Variants in ORC4 observed in about 807,000 individuals in gnomAD.
The protein encoded by ORC4 is origin recognition complex subunit 4.
In ORC4, 55 loss-of-function variants were observed where a neutral mutation model predicts 63.9. The ratio of observed to expected loss-of-function variants is 0.86; its 90% confidence interval spans 0.69 to 1.08. ORC4 has a LOEUF of 1.08. Ranked by LOEUF, ORC4 falls within the 50% of genes least tolerant of loss-of-function variation. The pLI is 0.00. For synonymous variants in ORC4, 150 were observed against 168.5 expected (o/e 0.89, Z 0.85); for missense variants, 511 against 504.4 (o/e 1.01, Z -0.13).
At chr2:147,950,807 G>T (rs1688918247) in intron 8 of ORC4, among the ~76,000 whole-genome samples, 1 of 149,750 alleles carries the variant, frequency 6.7e-6, no homozygotes, top group Non-Finnish European at 1.5e-5. Context: ...ACACTTGAAA[G>T]AACTACACAG....
At chr2:147,961,277 T>C (rs983484286) in intron 4 of ORC4, among the ~76,000 whole-genome samples, 3 of 151,790 alleles carry the variant, frequency 2.0e-5, no homozygotes, top group African/African-American at 4.8e-5. Context: ...CCATCTCTAC[T>C]AAACATAAAA....
Position 148,003,842 on chromosome 2 carries a change from T to C in ORC4, c.-18+16791A>G, listed in dbSNP as rs151170849. ...AATTGTCTGTTTGCAGATGACATGA[T>C]TGTATATTTAGAAAACCCTGTTGTC... On this transcript the variant is annotated intron_variant, in intron 1 of 13. Transcript: ENST00000392857. Among the ~76,000 whole-genome samples, 435 of 152,342 alleles carry C rather than the reference T, an allele frequency of 2.9e-3. 4 individuals carry two copies. Among genetic ancestry groups the C allele is most frequent in the Non-Finnish European group, 3.3e-3 (225 of 68,028 alleles).
At chr2:147,993,661 T>C (rs1691764229) in intron 1 of ORC4, among the ~76,000 whole-genome samples, 1 of 152,068 alleles carries the variant, frequency 6.6e-6, no homozygotes, top group Admixed American at 6.5e-5. Context: ...TACAATGAAA[T>C]AGGATTTTTA....
intron 1 of ORC4, 148 bp downstream of exon 1, chr2:148,020,485 T>A (rs1693638470): frequency 6.6e-6 from 1 of 152,392 alleles, no homozygotes; most frequent in African/African-American, 2.4e-5. Flanking sequence ...CTTCCCGGCC[T>A]ATACAAGCCT....
chr2:147,991,192 C>A (rs947091284), intron 1 of ORC4, among the ~76,000 whole-genome samples: 4 of 151,908 alleles, frequency 2.6e-5, no homozygotes, highest in African/African-American at 9.7e-5. Flanking sequence ...GGATTACAGG[C>A]ATGCGCCACC....
Position 147,955,401 on chromosome 2 carries a change from C to T in ORC4, c.388-6G>A, listed in dbSNP as rs1361938874. 7 of 1,595,114 alleles carry T rather than the reference C, an allele frequency of 4.4e-6. No individual in the cohort carries two copies. Among genetic ancestry groups the T allele is most frequent in the Admixed American group, 3.4e-5 (2 of 59,636 alleles). On this transcript the variant is annotated splice_polypyrimidine_tract_variant and splice_region_variant and intron_variant, in intron 6 of 13. Coordinates refer to ENST00000392857, the MANE Select transcript of ORC4 (RefSeq NM_181741.4). Reference sequence around the variant, plus strand: ...AGGTTTTCAGCAAAGCTTCCCTGAACAACAAAATGAGATAAAATGATTAAA... The same window carrying T: ...AGGTTTTCAGCAAAGCTTCCCTGAATAACAAAATGAGATAAAATGATTAAA...
At chr2:147,992,965 G>C (rs770669940) in intron 1 of ORC4, among the ~76,000 whole-genome samples, 2 of 152,136 alleles carry the variant, frequency 1.3e-5, no homozygotes, top group Non-Finnish European at 2.9e-5. Context: ...GACCTATTCT[G>C]TTTGATTGTA....
intron 13 of ORC4, among the ~76,000 whole-genome samples, chr2:147,937,189 T>C (rs1688099917): frequency 6.6e-6 from 1 of 152,088 alleles, no homozygotes. Context: ...CTACAAGAAA[T>C]GAAATTCTGG....
At chr2:147,973,107 G>A (rs941911443) in intron 3 of ORC4, among the ~76,000 whole-genome samples, 1 of 152,032 alleles carries the variant, frequency 6.6e-6, no homozygotes, top group African/African-American at 2.4e-5. Flanking sequence ...GGCAACTCTC[G>A]GGACCCTTGG....
At chr2:147,935,792 T>G (rs1053467712) in intron 13 of ORC4, 94 bp from the exon 14 acceptor site, 42 of 1,074,042 alleles carry the variant, frequency 3.9e-5, no homozygotes, top group Non-Finnish European at 6.0e-5. Context: ...TTTGGTCAGC[T>G]GCAGAACAGA....
chr2:148,020,715 G>GC lies in ORC4; in HGVS notation c.-101dup, dbSNP rs1693660600. Reference sequence around the variant, plus strand: ...CGTCCTCTGCTAGACTTCACCTGCCGCTGCGGACCGTACACAACCACTCCC... The same window carrying GC: ...CGTCCTCTGCTAGACTTCACCTGCCGCCTGCGGACCGTACACAACCACTCCC... On this transcript the variant is annotated 5_prime_UTR_variant, in exon 1 of 14. Coordinates refer to ENST00000392857, the MANE Select transcript of ORC4 (RefSeq NM_181741.4). 2 of 152,356 alleles carry GC rather than the reference G, an allele frequency of 1.3e-5. No homozygotes were observed. The highest frequency in any genetic ancestry group is 4.8e-5 in the African/African-American group (2 of 41,392). 9.4% of individuals were successfully genotyped at this position (152,356 alleles called of 1,614,324 possible). A position where few individuals can be genotyped will look rare whatever the true frequency, so the allele number is the denominator to read the frequency against.
chr2:147,988,735 G>A (rs1427179702), intron 1 of ORC4, among the ~76,000 whole-genome samples: 2 of 148,484 alleles, frequency 1.3e-5, no homozygotes, highest in Non-Finnish European at 3.0e-5. Context: ...CTTTTTCCTG[G>A]AATGAAAAAT....
chr2:147,977,996 G>A (rs767179692), intron 1 of ORC4, among the ~76,000 whole-genome samples: 16 of 152,140 alleles, frequency 1.1e-4, no homozygotes, highest in Non-Finnish European at 2.2e-4. Context: ...TTAAGTTAGC[G>A]GGCCTGCTGT....
chr2:147,974,615 A>G (rs1260771552), intron 2 of ORC4, among the ~76,000 whole-genome samples: 2 of 151,810 alleles, frequency 1.3e-5, no homozygotes, highest in African/African-American at 2.4e-5. Context: ...AGCTGGGGCA[A>G]CAGAGCAAGA....
At chr2:147,948,000 G>T in intron 9 of ORC4, 51 bp downstream of exon 9, 2 of 1,437,508 alleles carry the variant, frequency 1.4e-6, no homozygotes, top group East Asian at 2.3e-5. Context: ...TGTTTTAATT[G>T]CTTTAAATCA....
chr2:147,938,440 C>A, intron 11 of ORC4, 47 bp from the exon 12 acceptor site: 2 of 1,029,500 alleles, frequency 1.9e-6, no homozygotes, highest in East Asian at 2.4e-5. Flanking sequence ...ACATATAAGA[C>A]TGAAATAACT....
At chr2:147,980,498 AAAC>A (rs1034319750) in intron 1 of ORC4, among the ~76,000 whole-genome samples, 2 of 152,112 alleles carry the variant, frequency 1.3e-5, no homozygotes, top group East Asian at 1.9e-4. Context: ...ACAAAAACAA[AAAC>A]AACAACAAAA....
intron 1 of ORC4, chr2:147,981,844 A>G (rs2105371464): frequency 6.6e-6 from 1 of 152,358 alleles, no homozygotes; most frequent in Non-Finnish European, 1.5e-5. Context: ...GTACAAACAC[A>G]TTTCAATAAC....
At position 147,931,959 on chromosome 2, in the gene ORC4, C is replaced by A. The variant is rs1687768020; in HGVS notation, c.*3551G>T. On this transcript the variant is annotated 3_prime_UTR_variant, in exon 14 of 14. Transcript: ENST00000392857. Reference sequence around the variant, plus strand: ...ATAGTGTTGGAAGTTCTGGCCAGGGCAATTAGGCAGGAGAAGGAAATAAAG... The same window carrying A: ...ATAGTGTTGGAAGTTCTGGCCAGGGAAATTAGGCAGGAGAAGGAAATAAAG... 1.3e-5 allele frequency: 2 copies of A among 151,724 alleles called. No homozygotes were observed. Among genetic ancestry groups the A allele is most frequent in the African/African-American group, 2.4e-5 (1 of 41,276 alleles). The allele number at this position is 151,724 out of a possible 1,614,324, so 9.4% of individuals were successfully genotyped here.
Sources: gnomAD v4.1 joint callset for allele counts (sites outside exome capture counted in the v4.1 genomes callset) on GRCh38, gnomAD v4.1.1 for gene constraint, MANE v1.5 for transcripts, NCBI Gene and HGNC (gene_info 2026-07-23, HGNC 2026-07-21) for gene names.